TENM3: variants seen among roughly 807,000 people sequenced by gnomAD.
TENM3 encodes teneurin transmembrane protein 3.
A neutral mutation model predicts 255.1 loss-of-function variants in TENM3; 63 were observed. The observed-to-expected ratio is 0.25, with a 90% CI of 0.20 to 0.30. TENM3 has a LOEUF of 0.30. Ranked by LOEUF, TENM3 falls within the 10% of genes least tolerant of loss-of-function variation. The pLI is 1.00. For missense variants in TENM3, 2,929 were observed against 3,461.1 expected, an observed-to-expected ratio of 0.85 and a Z score of 3.86; for synonymous variants, 1,306 against 1,322.3, an observed-to-expected ratio of 0.99 and a Z score of 0.27.
the TENM3 span, among the ~76,000 whole-genome samples, chr4:181,556,463 C>A: frequency 6.6e-6 from 1 of 152,088 alleles, no homozygotes; most frequent in Non-Finnish European, 1.5e-5. Flanking sequence ...CATTGATATA[C>A]ACATATTATT....
At chr4:182,778,865 A>G (rs942355172) in intron 24 of TENM3, among the ~76,000 whole-genome samples, 5 of 151,800 alleles carry the variant, frequency 3.3e-5, no homozygotes, top group Non-Finnish European at 5.9e-5. Context: ...TGTAGCAGCG[A>G]TCTGAGATAA....
chr4:182,302,287 G>A (rs894461075), intron 1 of TENM3, among the ~76,000 whole-genome samples: 25 of 152,080 alleles, frequency 1.6e-4, no homozygotes, highest in African/African-American at 6.0e-4. Context: ...TTAGCATTTC[G>A]TTTTATGTAG....
chr4:181,477,142 T>G, the TENM3 span, among the ~76,000 whole-genome samples: 1 of 152,162 alleles, frequency 6.6e-6, no homozygotes, highest in Non-Finnish European at 1.5e-5. Context: ...TTTATCAAGT[T>G]CTACTCAGCG....
intron 13 of TENM3, among the ~76,000 whole-genome samples, chr4:182,721,357 T>C (rs1759716336): frequency 6.6e-6 from 1 of 152,224 alleles, no homozygotes; most frequent in Non-Finnish European, 1.5e-5. Context: ...TATTCTAAAT[T>C]TGATTCTTCC....
chr4:181,844,149 G>A, the TENM3 span, among the ~76,000 whole-genome samples: 3,296 of 152,140 alleles, frequency 0.022, 56 homozygotes, highest in Middle Eastern at 0.048. Context: ...GTAACTAACC[G>A]ACTCCTGAGA....
At chr4:181,997,065 A>G in the TENM3 span, among the ~76,000 whole-genome samples, 1 of 152,184 alleles carries the variant, frequency 6.6e-6, no homozygotes, top group Admixed American at 6.5e-5. Flanking sequence ...TCGGCTGTCT[A>G]CAGATTTTGT....
chr4:182,745,407 A>G (rs894952530), intron 19 of TENM3, among the ~76,000 whole-genome samples: 1 of 152,216 alleles, frequency 6.6e-6, no homozygotes, highest in African/African-American at 2.4e-5. Flanking sequence ...TGTGGAGAAA[A>G]GAGGAAAGAC....
the TENM3 span, among the ~76,000 whole-genome samples, chr4:181,721,478 T>C: frequency 7.4e-6 from 1 of 134,546 alleles, no homozygotes; most frequent in Admixed American, 7.9e-5. Flanking sequence ...CGGGCGCCTG[T>C]AGTCCCAGCT....
chr4:182,669,392 C>A (rs1001129797), intron 6 of TENM3, among the ~76,000 whole-genome samples: 1 of 152,064 alleles, frequency 6.6e-6, no homozygotes, highest in Non-Finnish European at 1.5e-5. Context: ...GCCTCAGCCT[C>A]CCGAGTAGCT....
At chr4:182,590,616 T>G (rs1291813887) in intron 3 of TENM3, among the ~76,000 whole-genome samples, 1 of 150,012 alleles carries the variant, frequency 6.7e-6, no homozygotes, top group African/African-American at 2.4e-5. Flanking sequence ...TCCCAACACT[T>G]TGGGGGGCTG....
chr4:181,947,932 C>T, the TENM3 span, among the ~76,000 whole-genome samples: 2 of 152,098 alleles, frequency 1.3e-5, no homozygotes, highest in African/African-American at 4.8e-5. Flanking sequence ...AACAAACCGG[C>T]CGGCTTTCAA....
chr4:181,527,814 G>C, the TENM3 span, among the ~76,000 whole-genome samples: 7 of 144,132 alleles, frequency 4.9e-5, no homozygotes, highest in Non-Finnish European at 1.1e-4. Flanking sequence ...CTTTTTTTTC[G>C]TTTAATGTAA....
At chr4:182,346,599 C>A in intron 2 of TENM3, 52 bp from the exon 3 acceptor site, 30 of 1,346,226 alleles carry the variant, frequency 2.2e-5, no homozygotes, top group East Asian at 4.7e-5. Flanking sequence ...AGAAAAGAAA[C>A]TAACACTGAA....
At chr4:182,140,989 C>A (rs1749367586), upstream of TENM3, among the ~76,000 whole-genome samples, 1 of 120,096 alleles carries the variant, frequency 8.3e-6, no homozygotes. Flanking sequence ...CATTATATCC[C>A]TCCCCCCCGC....
chr4:181,925,296 A>G, the TENM3 span, among the ~76,000 whole-genome samples: 6 of 152,216 alleles, frequency 3.9e-5, no homozygotes, highest in Admixed American at 2.0e-4. Context: ...TATAAATGCA[A>G]TCTCCAACCT....
intron 1 of TENM3, among the ~76,000 whole-genome samples, chr4:182,217,903 T>G (rs1468860827): frequency 6.6e-6 from 1 of 152,210 alleles, no homozygotes; most frequent in East Asian, 1.9e-4. Context: ...AGATTTCAAT[T>G]AAATGTGGAA....
At chr4:182,701,210 C>CTTGTTTTTTTTTTTT in intron 12 of TENM3, among the ~76,000 whole-genome samples, 1 of 38,644 alleles carries the variant, frequency 2.6e-5, no homozygotes, top group East Asian at 6.5e-4. Flanking sequence ...CAACTCTTGA[C>CTTGTTTTTTTTTTTT]TTTTTTTTTT....
chr4:182,604,413 A>G lies in TENM3; in HGVS notation c.749+3252A>G, dbSNP rs144691048. On this transcript the variant is annotated intron_variant, in intron 4 of 27. Transcript: ENST00000511685. ...AAAATTCCTTTTCTTTGAGCTCACT[A>G]TTTGTTATACTTTGGATTATTCACT... 5.6e-3 allele frequency among the ~76,000 whole-genome samples: 857 copies of G among 152,262 alleles called. 5 individuals are homozygous for G. The highest frequency in any genetic ancestry group is 0.02 in the Middle Eastern group (6 of 294).
chr4:181,466,150 T>C, the TENM3 span, among the ~76,000 whole-genome samples: 1 of 148,710 alleles, frequency 6.7e-6, no homozygotes, highest in Non-Finnish European at 1.5e-5. Flanking sequence ...GGAGTTTCTC[T>C]CTTGTCCCCC....
Sources: gnomAD v4.1 joint callset for allele counts (sites outside exome capture counted in the v4.1 genomes callset) on GRCh38, gnomAD v4.1.1 for gene constraint, MANE v1.5 for transcripts, NCBI Gene and HGNC (gene_info 2026-07-23, HGNC 2026-07-21) for gene names.